Variants in TWSG1 observed in about 807,000 individuals in gnomAD.
The protein encoded by TWSG1 is twisted gastrulation BMP signaling modulator 1.
TWSG1 carries 15 observed loss-of-function variants against 23.0 expected under a neutral mutation model. The observed-to-expected ratio is 0.65, with a 90% CI of 0.44 to 1.00. TWSG1 has a LOEUF of 1.00. TWSG1 is among the 50% of genes least tolerant of loss of function. The pLI, the probability that TWSG1 is intolerant of heterozygous loss-of-function variation, is 0.00. For missense variants in TWSG1, 242 were observed against 278.7 expected (o/e 0.87, Z 0.94); for synonymous variants, 86 against 92.8 (o/e 0.93, Z 0.42).
At chr18:9,363,386 C>T (rs1000499539) in intron 3 of TWSG1, among the ~76,000 whole-genome samples, 8 of 151,780 alleles carry the variant, frequency 5.3e-5, no homozygotes, top group African/African-American at 9.7e-5. Context: ...TACAGTGATA[C>T]GTACTACCTG....
At chr18:9,381,732 C>T (rs997997529) in intron 3 of TWSG1, among the ~76,000 whole-genome samples, 2 of 152,106 alleles carry the variant, frequency 1.3e-5, no homozygotes, top group African/African-American at 4.8e-5. Flanking sequence ...TACCCCTAGT[C>T]GCTCTCCCTC....
intron 3 of TWSG1, among the ~76,000 whole-genome samples, chr18:9,383,796 T>C (rs1343098803): frequency 6.6e-6 from 1 of 152,126 alleles, no homozygotes; most frequent in Non-Finnish European, 1.5e-5. Context: ...GGAATTGAAA[T>C]TTTGGCCAGA....
intron 2 of TWSG1, among the ~76,000 whole-genome samples, chr18:9,341,209 A>G (rs2040445111): frequency 2.0e-5 from 3 of 152,228 alleles, no homozygotes; most frequent in Admixed American, 2.0e-4. Flanking sequence ...ATGGGATATA[A>G]TGGTGTGGCC....
At chr18:9,354,864 A>T (rs1474980177) in intron 2 of TWSG1, among the ~76,000 whole-genome samples, 2 of 152,192 alleles carry the variant, frequency 1.3e-5, no homozygotes, top group Admixed American at 6.5e-5. Flanking sequence ...AAATACTTTT[A>T]AAATTTTGGT....
At chr18:9,335,319 A>G (rs1251730986) in intron 1 of TWSG1, among the ~76,000 whole-genome samples, 1 of 152,256 alleles carries the variant, frequency 6.6e-6, no homozygotes, top group Non-Finnish European at 1.5e-5. Context: ...GGTCGCTGTC[A>G]GTGCCATCTC....
At chr18:9,351,903 C>T (rs2040504001) in intron 2 of TWSG1, among the ~76,000 whole-genome samples, 2 of 152,168 alleles carry the variant, frequency 1.3e-5, no homozygotes, top group African/African-American at 4.8e-5. Flanking sequence ...ACCTTGGCCT[C>T]CCAGAATCCT....
rs924656458 is a variant in TWSG1, at chr18:9,399,709, C to G, written c.*182C>G. 6 of 529,724 alleles carry G rather than the reference C, an allele frequency of 1.1e-5. No individual in the cohort carries two copies. Among genetic ancestry groups the G allele is most frequent in the Middle Eastern group, 4.9e-4 (1 of 2,054 alleles). The allele number at this position is 529,724 out of a possible 1,614,324, so 32.8% of individuals were successfully genotyped here. On this transcript the variant is annotated 3_prime_UTR_variant, in exon 5 of 5. Transcript: ENST00000262120. ...GTGTTTAATTATATAACTGTTCTTA[C>G]TGATTTTATTGCCCCCTAGCAATAA... is the stretch of plus-strand genomic sequence containing the variant.
At chr18:9,358,873 G>A (rs534329582) in intron 2 of TWSG1, among the ~76,000 whole-genome samples, 45 of 152,172 alleles carry the variant, frequency 3.0e-4, no homozygotes, top group East Asian at 1.2e-3. Flanking sequence ...AATGTTTTTC[G>A]TATAAATATA....
Position 9,401,006 on chromosome 18 carries a change from T to C in TWSG1, c.*1479T>C, listed in dbSNP as rs1291152079. ...ATGCTCTTGGACACATTTTGTATTATTCATGATCTGAATAGTAGTTAGTTA... is the reference window on the plus strand; with the variant it reads ...ATGCTCTTGGACACATTTTGTATTACTCATGATCTGAATAGTAGTTAGTTA... On this transcript the variant is annotated 3_prime_UTR_variant, in exon 5 of 5. Transcript: ENST00000262120. 2.0e-5 allele frequency: 3 copies of C among 151,570 alleles called. No homozygotes were observed. Among genetic ancestry groups the C allele is most frequent in the African/African-American group, 7.3e-5 (3 of 40,832 alleles). 9.4% of individuals were successfully genotyped at this position (151,570 alleles called of 1,614,324 possible).
At chr18:9,374,979 AAC>A (rs1459149959) in intron 3 of TWSG1, among the ~76,000 whole-genome samples, 1 of 152,118 alleles carries the variant, frequency 6.6e-6, no homozygotes, top group Non-Finnish European at 1.5e-5. Flanking sequence ...CATCCTGGCT[AAC>A]ACAGTGAAAC....
chr18:9,399,673 T>C lies in TWSG1; in HGVS notation c.*146T>C. On this transcript the variant is annotated 3_prime_UTR_variant, in exon 5 of 5. Coordinates refer to ENST00000262120, the MANE Select transcript of TWSG1 (RefSeq NM_020648.6). The stretch of plus-strand genomic sequence containing the variant: ...ATAAGTTTCTTTTAAAAATATGACA[T>C]AGCCAGTGATGTGTTTAATTATATA... 1 of 677,862 alleles carries C rather than the reference T, an allele frequency of 1.5e-6. No homozygotes were observed. 42.0% of individuals were successfully genotyped at this position (677,862 alleles called of 1,614,324 possible). A position where few individuals can be genotyped will look rare whatever the true frequency, so the allele number is the denominator to read the frequency against.
intron 3 of TWSG1, among the ~76,000 whole-genome samples, chr18:9,385,891 G>A (rs1014071298): frequency 2.6e-5 from 4 of 152,068 alleles, no homozygotes; most frequent in Non-Finnish European, 5.9e-5. Context: ...AAATGGGGCC[G>A]GGCATGGTGG....
intron 1 of TWSG1, among the ~76,000 whole-genome samples, chr18:9,336,225 C>G (rs1340479547): frequency 1.3e-5 from 2 of 152,068 alleles, no homozygotes; most frequent in East Asian, 3.9e-4. Context: ...AACCCCGTCT[C>G]TACTAAAAAT....
At chr18:9,371,832 C>T (rs1470256133) in intron 3 of TWSG1, among the ~76,000 whole-genome samples, 2 of 141,942 alleles carry the variant, frequency 1.4e-5, no homozygotes, top group Non-Finnish European at 3.0e-5. Flanking sequence ...AGTGCAGTGG[C>T]TCAGTCTCGG....
Position 9,337,249 on chromosome 18 carries a change from C to T in TWSG1, c.20C>T (p.Ala7Val). The change falls in exon 2 of 5, where the codon GCT becomes GTT. Residue 7 changes from alanine to valine, a missense_variant. Transcript: ENST00000262120. ...AGAAACATGAAGTTACACTATGTTG[C>T]TGTGCTTACTCTAGCCATCCTGATG... MKLHYV[A>V]VLTLAILMFL... 6.2e-7 allele frequency: 1 copy of T among 1,612,492 alleles called. No individual in the cohort carries two copies.
intron 2 of TWSG1, among the ~76,000 whole-genome samples, chr18:9,340,400 TA>T (rs2040441681): frequency 6.7e-6 from 1 of 148,622 alleles, no homozygotes; most frequent in African/African-American, 2.5e-5. Context: ...AGAAAAGATC[TA>T]GGGCTCAAAT....
At chr18:9,377,848 A>C (rs908766864) in intron 3 of TWSG1, among the ~76,000 whole-genome samples, 1 of 151,252 alleles carries the variant, frequency 6.6e-6, no homozygotes, top group Non-Finnish European at 1.5e-5. Flanking sequence ...CCTCCCAAGT[A>C]GCTAGGACTA....
chr18:9,353,961 C>CT (rs2040513453), intron 2 of TWSG1, among the ~76,000 whole-genome samples: 1 of 152,162 alleles, frequency 6.6e-6, no homozygotes, highest in Non-Finnish European at 1.5e-5. Flanking sequence ...AATAGCATTT[C>CT]TAGTTGTATT....
In TWSG1 at chr18:9,335,533, G is replaced by A. The variant is rs541150906; in HGVS notation, c.-38+613G>A. 4.1e-4 allele frequency among the ~76,000 whole-genome samples: 63 copies of A among 152,334 alleles called. 4 individuals carry two copies. The South Asian group carries it at 0.012, about 29-fold the overall frequency. On this transcript the variant is annotated intron_variant, in intron 1 of 4. Transcript: ENST00000262120. ...TAAGACAACCGTAAAAGATGGGAAAGGGGGGAAATCCCAGTTTTCATGGTT... is the reference window on the plus strand; with the variant it reads ...TAAGACAACCGTAAAAGATGGGAAAAGGGGGAAATCCCAGTTTTCATGGTT...
Sources: allele counts gnomAD v4.1 joint callset (sites outside exome capture counted in the v4.1 genomes callset), GRCh38; gene constraint gnomAD v4.1.1; transcripts MANE v1.5; gene names NCBI Gene and HGNC (gene_info 2026-07-23, HGNC 2026-07-21).